MAP3K13: variants seen among roughly 807,000 people sequenced by gnomAD.
MAP3K13 encodes the protein mitogen-activated protein kinase kinase kinase 13.
In MAP3K13, 52 loss-of-function variants were observed where a neutral mutation model predicts 104.0. The ratio of observed to expected loss-of-function variants is 0.50; its 90% CI spans 0.40 to 0.63. MAP3K13 has a LOEUF of 0.63. Ranked by LOEUF, MAP3K13 falls within the 20% of genes least tolerant of loss-of-function variation. The pLI, the probability that MAP3K13 is intolerant of heterozygous loss-of-function variation, is 0.00. For synonymous variants in MAP3K13, 394 were observed against 442.2 expected, an observed-to-expected ratio of 0.89 and a Z score of 1.37; for missense variants, 914 against 1,218.5, an observed-to-expected ratio of 0.75 and a Z score of 3.72.
chr3:185,333,221 G>A (rs1185439995), intron 2 of MAP3K13, among the ~76,000 whole-genome samples: 1 of 151,990 alleles, frequency 6.6e-6, no homozygotes, highest in Non-Finnish European at 1.5e-5. Flanking sequence ...AAGACTACCT[G>A]GGTTTGAATT....
At chr3:185,424,475 A>G (rs1714303508) in intron 1 of MAP3K13, among the ~76,000 whole-genome samples, 1 of 152,214 alleles carries the variant, frequency 6.6e-6, no homozygotes, top group Non-Finnish European at 1.5e-5. Flanking sequence ...TCTCTTGTGA[A>G]ATAGAAATGA....
Position 185,483,471 on chromosome 3 carries a change from G to A in MAP3K13, c.*1015G>A, listed in dbSNP as rs1718571339. ...GTGAGAGAGGAAGAACATCTACAGT[G>A]GTGTTAGGAAAACGAACGTGGAATT... is the stretch of plus-strand genomic sequence containing the variant. On this transcript the variant is annotated 3_prime_UTR_variant, in exon 14 of 14. Coordinates refer to ENST00000265026, the MANE Select transcript of MAP3K13 (RefSeq NM_004721.5). 1 of 230,432 alleles carries A rather than the reference G, an allele frequency of 4.3e-6. No homozygotes were observed. Among genetic ancestry groups the A allele is most frequent in the Admixed American group, 5.7e-5 (1 of 17,676 alleles). 14.3% of individuals were successfully genotyped at this position (230,432 alleles called of 1,614,324 possible).
intron 2 of MAP3K13, among the ~76,000 whole-genome samples, chr3:185,298,340 A>G (rs1720988689): frequency 6.6e-6 from 1 of 152,226 alleles, no homozygotes; most frequent in Non-Finnish European, 1.5e-5. Context: ...TATGTTTTAA[A>G]AAAACCATTT....
rs1560118167 is a variant in MAP3K13, at chr3:185,455,019, TATATATGAG to T, written c.1278+3631_1278+3639del. Among the ~76,000 whole-genome samples the T allele has an allele frequency of 7.2e-4, 76 of 106,228 alleles. 5 individuals carry two copies. The highest frequency in any genetic ancestry group is 1.9e-3 in the African/African-American group (55 of 29,716). The allele number at this position is 106,228 out of a possible 152,430, so 69.7% of individuals were successfully genotyped here. A position where few individuals can be genotyped will look rare whatever the true frequency, so the allele number is the denominator to read the frequency against. ...TATGATATATATGAGATATATATGA[TATATATGAG>T]ATATATATGATATATATATGAGATA... is the stretch of plus-strand genomic sequence containing the variant. On this transcript the variant is annotated intron_variant, in intron 7 of 13. Transcript: ENST00000265026.
At chr3:185,436,996 G>A (rs1234685705) in intron 2 of MAP3K13, among the ~76,000 whole-genome samples, 9 of 66,298 alleles carry the variant, frequency 1.4e-4, no homozygotes, top group Admixed American at 2.9e-4. Context: ...GCAAGACTCT[G>A]TCTCAAAAAA....
rs535539572 is a variant in MAP3K13 at position 185,285,931 on chromosome 3, G to T, written c.-86+288G>T. 2.6e-5 allele frequency among the ~76,000 whole-genome samples: 4 copies of T among 151,880 alleles called. No individual in the cohort carries two copies. The East Asian group carries it at 7.7e-4, about 29-fold the overall frequency. ...AGCTTCCTTTCAACACTTTACATCCGGGTAGAAATAATTTAATCTGTGGAT... is the reference window on the plus strand; with the variant it reads ...AGCTTCCTTTCAACACTTTACATCCTGGTAGAAATAATTTAATCTGTGGAT... On this transcript the variant is annotated intron_variant, in intron 2 of 14. Transcript: ENST00000424227.
At chr3:185,455,949 G>GTATAT (rs1160562201) in intron 7 of MAP3K13, among the ~76,000 whole-genome samples, 22 of 142,288 alleles carry the variant, frequency 1.5e-4, no homozygotes, top group African/African-American at 5.4e-4. Flanking sequence ...ATATATATAT[G>GTATAT]ATGTATATAT....
rs768672065 is a variant in MAP3K13, at chr3:185,428,614, C to T, written c.33C>T (p.Ser11=). 8 of 1,607,342 alleles carry T rather than the reference C, an allele frequency of 5.0e-6. No individual in the cohort carries two copies. In the South Asian group the frequency reaches 8.8e-5, roughly 18 times the overall value. Residue 11 remains serine (S), a synonymous_variant, in exon 2 of 14, where the codon TCC becomes TCT. Coordinates refer to ENST00000265026, the MANE Select transcript of MAP3K13 (RefSeq NM_004721.5). MANFQEHLSC[S]SSPHLPFSES... is the part of the protein sequence containing the mutation. Reference sequence around the variant, plus strand: ...ACTTTCAGGAGCACCTGAGCTGCTCCTCTTCTCCACACTTACCCTTCAGTG... The same window carrying T: ...ACTTTCAGGAGCACCTGAGCTGCTCTTCTTCTCCACACTTACCCTTCAGTG...
At chr3:185,443,025 G>C (rs1358526480) in intron 3 of MAP3K13, among the ~76,000 whole-genome samples, 1 of 152,018 alleles carries the variant, frequency 6.6e-6, no homozygotes, top group African/African-American at 2.4e-5. Context: ...ATGTTTAGTA[G>C]AGACAGGGTT....
At chr3:185,461,334 A>C (rs1460408459) in intron 7 of MAP3K13, among the ~76,000 whole-genome samples, 1 of 152,194 alleles carries the variant, frequency 6.6e-6, no homozygotes, top group Non-Finnish European at 1.5e-5. Context: ...ACTTCTCTCC[A>C]GTGTTCAACC....
chr3:185,407,327 T>C (rs1713169357), intron 1 of MAP3K13, among the ~76,000 whole-genome samples: 1 of 152,200 alleles, frequency 6.6e-6, no homozygotes, highest in African/African-American at 2.4e-5. Context: ...TCTTACCTCA[T>C]TTTGCTGTCT....
intron 1 of MAP3K13, among the ~76,000 whole-genome samples, chr3:185,375,500 C>T (rs2108753592): frequency 6.6e-6 from 1 of 152,228 alleles, no homozygotes; most frequent in African/African-American, 2.4e-5. Context: ...TATGAAATGA[C>T]AACAGAATAG....
At chr3:185,457,054 C>G (rs1346464158) in intron 7 of MAP3K13, among the ~76,000 whole-genome samples, 3 of 152,164 alleles carry the variant, frequency 2.0e-5, no homozygotes, top group Non-Finnish European at 4.4e-5. Context: ...TTAAGTCCTC[C>G]TAAAACGTCA....
chr3:185,347,382 G>T lies in MAP3K13; in HGVS notation c.-86+61739G>T, dbSNP rs1157346883. Reference sequence around the variant, plus strand: ...ACAAAGCCATTTAATACTGTTCTGTGTAGCTTAATCTATTTCTTTATACAT... The same window carrying T: ...ACAAAGCCATTTAATACTGTTCTGTTTAGCTTAATCTATTTCTTTATACAT... On this transcript the variant is annotated intron_variant, in intron 2 of 14. Coordinates refer to the MAP3K13 transcript ENST00000424227. Among the ~76,000 whole-genome samples the T allele has an allele frequency of 2.6e-5, 4 of 152,128 alleles. 1 individual carries two copies. Among genetic ancestry groups the T allele is most frequent in the Non-Finnish European group, 5.9e-5 (4 of 68,036 alleles).
chr3:185,352,803 A>G (rs561255401), intron 2 of MAP3K13, among the ~76,000 whole-genome samples: 8 of 152,304 alleles, frequency 5.3e-5, no homozygotes, highest in Admixed American at 2.0e-4. Context: ...GTATCTACTT[A>G]TTACCTGTTT....
chr3:185,333,352 A>T (rs2108710066), intron 2 of MAP3K13, among the ~76,000 whole-genome samples: 1 of 152,346 alleles, frequency 6.6e-6, no homozygotes, highest in East Asian at 1.9e-4. Context: ...GATGATGTAT[A>T]TTAGATACTT....
Position 185,450,792 on chromosome 3 carries a change from T to A in MAP3K13, c.1170-495T>A, listed in dbSNP as rs1715835670. On this transcript the variant is annotated intron_variant, in intron 6 of 13. Transcript: ENST00000265026. The surrounding 1 kb of genome is among the most constrained non-coding windows in gnomAD (Gnocchi z 4.2). ...TCTGAAAAAAAAATAAAAAATAAAT[T>A]TAAAGAAATGTTAAGGGCCGGGTAC... Among the ~76,000 whole-genome samples, 1 of 149,702 alleles carries A rather than the reference T, an allele frequency of 6.7e-6. No homozygotes were observed. Among genetic ancestry groups the A allele is most frequent in the African/African-American group, 2.5e-5 (1 of 40,482 alleles).
At chr3:185,371,836 A>C (rs1357695049) in intron 1 of MAP3K13, among the ~76,000 whole-genome samples, 1 of 152,210 alleles carries the variant, frequency 6.6e-6, no homozygotes, top group Non-Finnish European at 1.5e-5. Context: ...ATTACTAAAG[A>C]GGGCTCAATT....
chr3:185,373,360 A>G (rs1317000256), intron 1 of MAP3K13, among the ~76,000 whole-genome samples: 5 of 152,186 alleles, frequency 3.3e-5, no homozygotes, highest in African/African-American at 7.2e-5. Flanking sequence ...AAACTACTCA[A>G]TGTTTTTCAG....
Sources: allele counts gnomAD v4.1 joint callset (sites outside exome capture counted in the v4.1 genomes callset), GRCh38; gene constraint gnomAD v4.1.1; non-coding constraint Gnocchi (gnomAD v3.1); transcripts MANE v1.5; gene names NCBI Gene and HGNC (gene_info 2026-07-23, HGNC 2026-07-21).